Variants in RBFOX1 observed in about 807,000 individuals in gnomAD.
The protein encoded by RBFOX1 is RNA binding fox-1 homolog 1, also known as RNA binding protein fox-1 homolog 1.
A neutral mutation model predicts 57.7 loss-of-function variants in RBFOX1; 8 were observed. The observed-to-expected ratio is 0.14, with a 90% CI of 0.08 to 0.25. The LOEUF (loss-of-function observed/expected upper bound fraction) is 0.25, where lower values mean the gene tolerates loss of function less well. Among genes scored for constraint, RBFOX1 ranks in the 10% least tolerant of loss-of-function variants. The pLI is 1.00. For missense variants in RBFOX1, 611 were observed against 548.5 expected, an observed-to-expected ratio of 1.11 and a Z score of -1.14; for synonymous variants, 326 against 222.4, an observed-to-expected ratio of 1.47 and a Z score of -4.15.
intron 3 of RBFOX1, among the ~76,000 whole-genome samples, chr16:7,018,546 A>C (rs540161881): frequency 2.6e-5 from 4 of 152,308 alleles, no homozygotes; most frequent in African/African-American, 7.2e-5. Context: ...ATACATGTGC[A>C]TGTGTCCTTA....
chr16:7,533,624 G>C (rs1486245602), intron 5 of RBFOX1, among the ~76,000 whole-genome samples: 1 of 152,066 alleles, frequency 6.6e-6, no homozygotes, highest in Non-Finnish European at 1.5e-5. Flanking sequence ...CTAACACAAA[G>C]CCTCTTTTAT....
At chr16:5,649,062 T>C (rs557754222) in intron 3 of RBFOX1, among the ~76,000 whole-genome samples, 12 of 150,718 alleles carry the variant, frequency 8.0e-5, no homozygotes, top group Non-Finnish European at 1.5e-4. Context: ...AGACTCTGTA[T>C]CAAAAAAAAA....
chr16:5,424,808 TTTCTC>T (rs1423846885), intron 1 of RBFOX1, among the ~76,000 whole-genome samples: 16 of 151,180 alleles, frequency 1.1e-4, no homozygotes, highest in African/African-American at 3.9e-4. Flanking sequence ...TGGTGTCTGT[TTTCTC>T]TTCTCCTCTC....
chr16:5,347,051 TTCC>T (rs2065155961), intron 1 of RBFOX1, among the ~76,000 whole-genome samples: 1 of 152,160 alleles, frequency 6.6e-6, no homozygotes, highest in Non-Finnish European at 1.5e-5. Context: ...ATCCAGGCCT[TTCC>T]TCAAGGGACG....
At chr16:6,518,695 A>T (rs188432335) in intron 2 of RBFOX1, among the ~76,000 whole-genome samples, 2 of 151,988 alleles carry the variant, frequency 1.3e-5, no homozygotes, top group Non-Finnish European at 2.9e-5. Context: ...TTATCTATGT[A>T]TGTATCTGTC....
chr16:6,906,386 A>C (rs1363035371), intron 3 of RBFOX1, among the ~76,000 whole-genome samples: 3 of 152,196 alleles, frequency 2.0e-5, no homozygotes, highest in Non-Finnish European at 4.4e-5. Flanking sequence ...AAACTCATAA[A>C]AAATACAGGA....
chr16:6,892,435 C>T (rs1056573637), intron 3 of RBFOX1, among the ~76,000 whole-genome samples: 3 of 151,998 alleles, frequency 2.0e-5, no homozygotes, highest in Non-Finnish European at 4.4e-5. Flanking sequence ...TTTAGGAGGC[C>T]GAAGTGGGTG....
chr16:6,275,292 CAG>C (rs2075680607), intron 1 of RBFOX1, among the ~76,000 whole-genome samples: 1 of 144,802 alleles, frequency 6.9e-6, no homozygotes, highest in African/African-American at 2.6e-5. Context: ...GCCTGGGCGA[CAG>C]AGTGAGACTC....
intron 8 of RBFOX1, among the ~76,000 whole-genome samples, chr16:7,596,236 A>G (rs894145052): frequency 2.4e-4 from 36 of 151,126 alleles, no homozygotes; most frequent in African/African-American, 8.7e-4. Context: ...GTGAATAACC[A>G]AACAGGATTT....
At chr16:6,052,335 C>T (rs2095560690) in intron 1 of RBFOX1, among the ~76,000 whole-genome samples, 1 of 152,128 alleles carries the variant, frequency 6.6e-6, no homozygotes, top group Non-Finnish European at 1.5e-5. Flanking sequence ...GAAATTTATG[C>T]CAAGGCTCTC....
chr16:5,916,433 T>G (rs1315074106), intron 4 of RBFOX1, among the ~76,000 whole-genome samples: 1 of 152,166 alleles, frequency 6.6e-6, no homozygotes, highest in Non-Finnish European at 1.5e-5. Flanking sequence ...CATAAGAATC[T>G]CAGAGAAAAG....
At chr16:6,392,205 G>A (rs896904835) in intron 2 of RBFOX1, among the ~76,000 whole-genome samples, 13 of 152,298 alleles carry the variant, frequency 8.5e-5, no homozygotes, top group Admixed American at 7.8e-4. Flanking sequence ...GCCCAACGTA[G>A]CCTTTTACTG....
intron 4 of RBFOX1, among the ~76,000 whole-genome samples, chr16:5,988,797 A>G (rs1232405563): frequency 2.0e-5 from 3 of 152,132 alleles, no homozygotes; most frequent in African/African-American, 4.8e-5. Context: ...TTTTTTAAAT[A>G]TAAAATTCAG....
chr16:5,476,663 T>C (rs1462127289), intron 2 of RBFOX1, among the ~76,000 whole-genome samples: 7 of 152,254 alleles, frequency 4.6e-5, no homozygotes, highest in Admixed American at 3.9e-4. Context: ...GAGGACAAGA[T>C]ACATGTTTAA....
At chr16:5,313,372 G>A (rs2064143594) in intron 1 of RBFOX1, among the ~76,000 whole-genome samples, 1 of 152,176 alleles carries the variant, frequency 6.6e-6, no homozygotes, top group South Asian at 2.1e-4. Flanking sequence ...CCTAGCATTA[G>A]TGCCATTGCT....
At chr16:6,409,984 G>A (rs1192636008) in intron 2 of RBFOX1, among the ~76,000 whole-genome samples, 1 of 152,236 alleles carries the variant, frequency 6.6e-6, no homozygotes, top group African/African-American at 2.4e-5. Flanking sequence ...GAGGCTGCTT[G>A]CTTTACCTGT....
chr16:6,431,900 T>TTGCTTGCTTGCTTGCTTG (rs1567258053), intron 2 of RBFOX1, among the ~76,000 whole-genome samples: 3,070 of 70,606 alleles, frequency 0.043, 42 homozygotes, highest in East Asian at 0.07. Flanking sequence ...TTGCTTGCTT[T>TTGCTTGCTTGCTTGCTTG]CTTTCTTTCT....
At chr16:7,602,908 A>G (rs186006322) in intron 9 of RBFOX1, among the ~76,000 whole-genome samples, 1 of 152,354 alleles carries the variant, frequency 6.6e-6, no homozygotes, top group Admixed American at 6.5e-5. Flanking sequence ...ATAATAGAAT[A>G]AAACTAGAAA....
At chr16:7,432,045 C>A (rs941986142) in intron 4 of RBFOX1, among the ~76,000 whole-genome samples, 1 of 152,198 alleles carries the variant, frequency 6.6e-6, no homozygotes, top group Admixed American at 6.5e-5. Context: ...ACACCCAGCC[C>A]AGTGGGAAGG....
Sources: allele counts gnomAD v4.1 joint callset (sites outside exome capture counted in the v4.1 genomes callset), GRCh38; gene constraint gnomAD v4.1.1; transcripts MANE v1.5; gene names NCBI Gene and HGNC (gene_info 2026-07-23, HGNC 2026-07-21).